Variants in HS6ST3 observed in about 807,000 individuals in gnomAD.
HS6ST3 encodes the protein heparan sulfate 6-O-sulfotransferase 3.
A neutral mutation model predicts 36.7 loss-of-function variants in HS6ST3; 12 were observed. The observed-to-expected ratio is 0.33, with a 90% CI of 0.21 to 0.53. The LOEUF (loss-of-function observed/expected upper bound fraction) is 0.53. HS6ST3 is among the 20% of genes least tolerant of loss of function. The probability of loss-of-function intolerance (pLI) is 0.95; values close to 1 mark genes in which losing one functional copy is unlikely to be tolerated. For missense variants in HS6ST3, 584 were observed against 640.9 expected, an observed-to-expected ratio of 0.91 and a Z score of 0.96; for synonymous variants, 240 against 257.5, an observed-to-expected ratio of 0.93 and a Z score of 0.65.
chr13:96,196,978 T>C (rs532357153), intron 1 of HS6ST3, among the ~76,000 whole-genome samples: 47 of 152,376 alleles, frequency 3.1e-4, no homozygotes, highest in African/African-American at 1.0e-3. Flanking sequence ...CTGTGGTTTA[T>C]ATTTCTGGCT....
intron 1 of HS6ST3, among the ~76,000 whole-genome samples, chr13:96,195,146 T>C (rs887745447): frequency 2.0e-5 from 3 of 152,236 alleles, no homozygotes; most frequent in African/African-American, 4.8e-5. Flanking sequence ...GTTTCAAGGA[T>C]TTTCTTTTTT....
intron 1 of HS6ST3, among the ~76,000 whole-genome samples, chr13:96,644,779 C>T (rs528610414): frequency 1.6e-4 from 24 of 152,058 alleles, no homozygotes; most frequent in African/African-American, 5.3e-4. Flanking sequence ...AATTGCCAGA[C>T]CCTCTTGTTG....
intron 1 of HS6ST3, among the ~76,000 whole-genome samples, chr13:96,434,756 A>T (rs1191121134): frequency 6.6e-6 from 1 of 151,990 alleles, no homozygotes; most frequent in Non-Finnish European, 1.5e-5. Context: ...CTTTTATGAC[A>T]ACTAAACATT....
At chr13:96,099,487 G>A (rs1261832219) in intron 1 of HS6ST3, among the ~76,000 whole-genome samples, 2 of 152,112 alleles carry the variant, frequency 1.3e-5, no homozygotes, top group Non-Finnish European at 2.9e-5. Context: ...TTTTTTATGG[G>A]AAATTAATGA....
At chr13:96,117,900 C>T (rs2053901404) in intron 1 of HS6ST3, among the ~76,000 whole-genome samples, 2 of 151,126 alleles carry the variant, frequency 1.3e-5, no homozygotes, top group African/African-American at 4.9e-5. Flanking sequence ...GATGGAGTCT[C>T]CCTCTGTCAC....
chr13:96,545,388 A>G (rs1439430772), intron 1 of HS6ST3, among the ~76,000 whole-genome samples: 2 of 152,142 alleles, frequency 1.3e-5, no homozygotes, highest in African/African-American at 2.4e-5. Flanking sequence ...CATATTTGCT[A>G]TTTTGCACTC....
intron 1 of HS6ST3, among the ~76,000 whole-genome samples, chr13:96,630,445 A>G (rs1398842651): frequency 6.6e-6 from 1 of 152,206 alleles, no homozygotes. Flanking sequence ...TATTCCCCAC[A>G]GTGATGAACA....
chr13:96,182,436 G>T (rs191296735), intron 1 of HS6ST3, among the ~76,000 whole-genome samples: 4 of 152,202 alleles, frequency 2.6e-5, no homozygotes. Flanking sequence ...TTTGACAGAG[G>T]TTTCAAAATA....
intron 1 of HS6ST3, among the ~76,000 whole-genome samples, chr13:96,549,940 T>G (rs959540775): frequency 3.7e-4 from 56 of 152,212 alleles, no homozygotes; most frequent in African/African-American, 1.4e-3. Flanking sequence ...ATGCACTAGG[T>G]ACATTCTTTT....
chr13:96,629,881 G>A (rs945937606), intron 1 of HS6ST3, among the ~76,000 whole-genome samples: 2 of 151,678 alleles, frequency 1.3e-5, no homozygotes, highest in African/African-American at 4.8e-5. Flanking sequence ...GAAATATCAG[G>A]TAGAGGACTT....
intron 1 of HS6ST3, among the ~76,000 whole-genome samples, chr13:96,158,008 G>A (rs1324110158): frequency 6.6e-6 from 1 of 152,174 alleles, no homozygotes; most frequent in African/African-American, 2.4e-5. Context: ...TAAATGCTGT[G>A]TTACTGGTGT....
rs550291556 is a variant in HS6ST3, at chr13:96,373,492, A to C, written c.707+281923A>C. On this transcript the variant is annotated intron_variant, in intron 1 of 1. Transcript: ENST00000376705. ...TTTTATTAAAATAAAAAGAGTGAGA[A>C]GAGTATAAATGTGATTGTTACTTAA... Among the ~76,000 whole-genome samples the C allele has an allele frequency of 2.0e-5, 3 of 152,340 alleles. No homozygotes were observed. In the East Asian group the frequency reaches 5.8e-4, roughly 29 times the overall value.
Position 96,118,990 on chromosome 13 carries a change from G to A in HS6ST3, c.707+27421G>A, listed in dbSNP as rs192312690. Among the ~76,000 whole-genome samples, 78 of 151,842 alleles carry A rather than the reference G, an allele frequency of 5.1e-4. No homozygotes were observed. In the Middle Eastern group the frequency reaches 0.02, roughly 40 times the overall value. ...CTCCCAAAGTGCTGGGATTACAGGCGTGAGCCACCGCGCCCGGCCACATTA... is the reference window on the plus strand; with the variant it reads ...CTCCCAAAGTGCTGGGATTACAGGCATGAGCCACCGCGCCCGGCCACATTA... On this transcript the variant is annotated intron_variant, in intron 1 of 1. Coordinates refer to ENST00000376705, the MANE Select transcript of HS6ST3 (RefSeq NM_153456.4).
At chr13:96,272,184 T>C (rs2054723611) in intron 1 of HS6ST3, among the ~76,000 whole-genome samples, 2 of 151,990 alleles carry the variant, frequency 1.3e-5, no homozygotes, top group Non-Finnish European at 2.9e-5. Flanking sequence ...AGAAATAGTA[T>C]TCTGAAAGTT....
intron 1 of HS6ST3, among the ~76,000 whole-genome samples, chr13:96,720,555 C>T (rs1314209123): frequency 6.6e-6 from 1 of 152,126 alleles, no homozygotes; most frequent in Non-Finnish European, 1.5e-5. Context: ...TTCTCTCTAG[C>T]TTATTTTTAA....
chr13:96,609,095 G>T (rs781323365), intron 1 of HS6ST3, among the ~76,000 whole-genome samples: 6 of 151,796 alleles, frequency 4.0e-5, no homozygotes, highest in Non-Finnish European at 8.8e-5. Flanking sequence ...TCAGCCTCCC[G>T]AGTAGCTGGG....
intron 1 of HS6ST3, among the ~76,000 whole-genome samples, chr13:96,744,878 G>T (rs1445346237): frequency 6.6e-6 from 1 of 152,090 alleles, no homozygotes; most frequent in Non-Finnish European, 1.5e-5. Context: ...TACTTGGGCT[G>T]TGTTTCACAA....
intron 1 of HS6ST3, among the ~76,000 whole-genome samples, chr13:96,818,190 T>A (rs866600962): frequency 1.3e-5 from 2 of 152,356 alleles, no homozygotes; most frequent in South Asian, 2.1e-4. Context: ...ACAGAACGAA[T>A]TGATTTTTTT....
chr13:96,792,944 CT>C (rs1178870411), intron 1 of HS6ST3, among the ~76,000 whole-genome samples: 1 of 152,072 alleles, frequency 6.6e-6, no homozygotes, highest in Non-Finnish European at 1.5e-5. Flanking sequence ...TAATCAGCAA[CT>C]TTTGCCTTCC....
Sources: allele counts gnomAD v4.1 joint callset (sites outside exome capture counted in the v4.1 genomes callset), GRCh38; gene constraint gnomAD v4.1.1; transcripts MANE v1.5; gene names NCBI Gene and HGNC (gene_info 2026-07-23, HGNC 2026-07-21).